Variants in LINC01488 observed in about 807,000 individuals in gnomAD.
LINC01488 encodes long independently transcribed non-coding RNA 1488.
exon 3 of LINC01488, chr11:69,491,271 G>C (rs1198494538): frequency 1.3e-5 from 2 of 152,308 alleles, no homozygotes; most frequent in African/African-American, 4.8e-5. Flanking sequence ...CAGGCTCCAG[G>C]GGGAGGATAA....
At chr11:69,481,839 G>A (rs7951796) in intron 1 of LINC01488, 43,701 of 152,226 alleles carry the variant, frequency 0.29, 7,917 homozygotes, top group Non-Finnish European at 0.41. Flanking sequence ...AGGGAGGTGG[G>A]TGAATGGATG....
intron 1 of LINC01488, among the ~76,000 whole-genome samples, chr11:69,487,185 T>C (rs957766661): frequency 6.6e-6 from 1 of 152,080 alleles, no homozygotes. Flanking sequence ...CCCCAAGGCT[T>C]GGGTGCGGTG....
At chr11:69,492,846 C>T (rs1857245099) in exon 4 of LINC01488, 1 of 152,244 alleles carries the variant, frequency 6.6e-6, no homozygotes, top group African/African-American at 2.4e-5. Context: ...GATGAGAACG[C>T]AGCATGGAGA....
chr11:69,489,993 G>C (rs1477876043), intron 1 of LINC01488, among the ~76,000 whole-genome samples: 2 of 152,198 alleles, frequency 1.3e-5, no homozygotes, highest in Admixed American at 1.3e-4. Context: ...CCTGCACCCT[G>C]GAGTGTCTGA....
chr11:69,488,490 G>A (rs1232701012), intron 1 of LINC01488, among the ~76,000 whole-genome samples: 2 of 152,216 alleles, frequency 1.3e-5, no homozygotes, highest in Non-Finnish European at 2.9e-5. Context: ...CCCCGAGGTG[G>A]GCACCAGACC....
rs150802705 is a variant in LINC01488, at chr11:69,484,579, C to A, written n.122+2796C>A. Among the ~76,000 whole-genome samples, 3 of 152,346 alleles carry A rather than the reference C, an allele frequency of 2.0e-5. No individual in the cohort carries two copies. In the East Asian group the frequency reaches 5.8e-4, roughly 29 times the overall value. ...ACAAAGGCACAGCTTTTAAGGACCT[C>A]TAGTGTGAAACGGGAATGTTTCAGG... On this transcript the variant is annotated intron_variant and non_coding_transcript_variant, in intron 1 of 3. Transcript: ENST00000644563.
At chr11:69,481,780 G>T (rs943277907) in exon 1 of LINC01488, 3 of 152,288 alleles carry the variant, frequency 2.0e-5, no homozygotes, top group African/African-American at 7.2e-5. Flanking sequence ...GCTCCATCCA[G>T]CAAGTAAGGT....
chr11:69,489,970 A>G (rs2134975079), intron 1 of LINC01488, among the ~76,000 whole-genome samples: 1 of 152,180 alleles, frequency 6.6e-6, no homozygotes, highest in South Asian at 2.1e-4. Context: ...GACCTCATGC[A>G]CCTGAGTCAG....
At chr11:69,483,716 TGA>T (rs1229784791) in intron 1 of LINC01488, among the ~76,000 whole-genome samples, 2 of 152,136 alleles carry the variant, frequency 1.3e-5, no homozygotes, top group Admixed American at 1.3e-4. Flanking sequence ...TTTATGCATA[TGA>T]GAGAGAAATG....
chr11:69,491,321 C>T (rs1354950697), exon 3 of LINC01488: 1 of 152,270 alleles, frequency 6.6e-6, no homozygotes, highest in African/African-American at 2.4e-5. Flanking sequence ...AGCAGGTGCT[C>T]GGTCAGTGCA....
intron 1 of LINC01488, among the ~76,000 whole-genome samples, chr11:69,486,381 G>T (rs1857117881): frequency 6.6e-6 from 1 of 152,204 alleles, no homozygotes; most frequent in Non-Finnish European, 1.5e-5. Flanking sequence ...CTAGAGTTTG[G>T]TCAGCACCAC....
exon 3 of LINC01488, chr11:69,491,194 A>C (rs1397774036): frequency 6.6e-6 from 1 of 152,340 alleles, no homozygotes; most frequent in Non-Finnish European, 1.5e-5. Flanking sequence ...GGCAGGGCTC[A>C]GTGGTGAGGT....
intron 3 of LINC01488, chr11:69,491,595 T>G (rs1269456366): frequency 1.3e-5 from 2 of 152,506 alleles, no homozygotes; most frequent in Admixed American, 6.5e-5. Context: ...CCCTGGGCCC[T>G]TGGTATGAAG....
At chr11:69,485,066 G>A (rs11263460) in intron 1 of LINC01488, among the ~76,000 whole-genome samples, 3,365 of 152,320 alleles carry the variant, frequency 0.022, 135 homozygotes, top group East Asian at 0.17. Flanking sequence ...CCTGAGCTCA[G>A]CATGTCACTG....
At chr11:69,483,971 C>T (rs548068440) in intron 1 of LINC01488, among the ~76,000 whole-genome samples, 244 of 152,290 alleles carry the variant, frequency 1.6e-3, no homozygotes, top group African/African-American at 5.7e-3. Flanking sequence ...CAGGGGCAGG[C>T]GGGCTGGGGC....
chr11:69,490,815 C>A (rs538694998), intron 2 of LINC01488: 6 of 152,406 alleles, frequency 3.9e-5, no homozygotes, highest in African/African-American at 1.4e-4. Flanking sequence ...CTCAGCAGTG[C>A]AGCAGTATCA....
chr11:69,489,140 G>T (rs140300059), intron 1 of LINC01488, among the ~76,000 whole-genome samples: 291 of 152,242 alleles, frequency 1.9e-3, no homozygotes, highest in Middle Eastern at 3.4e-3. Flanking sequence ...ATTGGGGGGA[G>T]CTGGACCAGG....
At chr11:69,491,757 C>G (rs1191237674) in intron 3 of LINC01488, 1 of 152,610 alleles carries the variant, frequency 6.6e-6, no homozygotes, top group African/African-American at 2.4e-5. Flanking sequence ...ACTCAGCAGG[C>G]AGAACCCCTG....
rs116097122 is a variant in LINC01488, at chr11:69,487,122, G to C, written n.123-3373G>C. 9.2e-3 allele frequency among the ~76,000 whole-genome samples: 1,396 copies of C among 152,336 alleles called. 31 individuals carry two copies. The highest frequency in any genetic ancestry group is 0.032 in the African/African-American group (1,327 of 41,582). On this transcript the variant is annotated intron_variant and non_coding_transcript_variant, in intron 1 of 3. Coordinates refer to ENST00000644563, the Ensembl canonical transcript of LINC01488. Reference sequence around the variant, plus strand: ...CCGCCTCCCGCAGGCGGAGTATTTTGGGGGTGTCCCCTAAATGAAAACAGG... The same window carrying C: ...CCGCCTCCCGCAGGCGGAGTATTTTCGGGGTGTCCCCTAAATGAAAACAGG...
Sources: allele counts gnomAD v4.1 joint callset (sites outside exome capture counted in the v4.1 genomes callset), GRCh38; gene constraint gnomAD v4.1.1; transcripts MANE v1.5; gene names NCBI Gene and HGNC (gene_info 2026-07-23, HGNC 2026-07-21).